The following PNPLA7 variants were observed in gnomAD, a reference collection of about 807,000 sequenced individuals.
The protein encoded by PNPLA7 is patatin-like phospholipase domain-containing protein 7.
A neutral mutation model predicts 161.7 loss-of-function variants in PNPLA7; 153 were observed. That is an observed-to-expected ratio of 0.95 (90% CI 0.83 to 1.08). PNPLA7 has a LOEUF of 1.08. PNPLA7 is among the 50% of genes least tolerant of loss of function. The pLI is 0.00. For missense variants in PNPLA7, 1,739 were observed against 1,856.6 expected (o/e 0.94, Z 1.16); for synonymous variants, 809 against 782.1 (o/e 1.03, Z -0.57).
At chr9:137,514,235 C>T (rs1834391619) in intron 12 of PNPLA7, among the ~76,000 whole-genome samples, 1 of 143,728 alleles carries the variant, frequency 7.0e-6, no homozygotes, top group Non-Finnish European at 1.5e-5. Flanking sequence ...TGTGCCCGGG[C>T]CCTGTGGCTG....
chr9:137,545,863 G>A (rs1437696319), intron 4 of PNPLA7, among the ~76,000 whole-genome samples: 1 of 152,170 alleles, frequency 6.6e-6, no homozygotes, highest in Non-Finnish European at 1.5e-5. Flanking sequence ...TTGCCAAGCG[G>A]ACCGTGATCT....
At chr9:137,479,800 A>G in intron 23 of PNPLA7, 6 of 985,466 alleles carry the variant, frequency 6.1e-6, no homozygotes, top group Non-Finnish European at 7.2e-6. Flanking sequence ...ATCTGCTGCC[A>G]TCTGGGAACC....
intron 8 of PNPLA7, among the ~76,000 whole-genome samples, chr9:137,533,641 A>AAC (rs1435248486): frequency 4.6e-5 from 6 of 130,522 alleles, no homozygotes; most frequent in African/African-American, 1.2e-4. Flanking sequence ...ACTCCTCCCC[A>AAC]AGTGTCCACT....
rs972572217 is a variant in PNPLA7 at position 137,540,179 on chromosome 9, G to A, written c.747+463C>T. ...CAGATCAGGCTCTGGTATCGGAAAC[G>A]ATGGACACAGGAAACCATTCACTGC... On this transcript the variant is annotated intron_variant, in intron 8 of 34. Coordinates refer to ENST00000406427, the MANE Select transcript of PNPLA7 (RefSeq NM_001098537.3). The surrounding 1 kb of genome is among the most constrained non-coding windows in gnomAD (Gnocchi z 5.1). Among the ~76,000 whole-genome samples the A allele has an allele frequency of 1.3e-5, 2 of 152,196 alleles. No homozygotes were observed. Among genetic ancestry groups the A allele is most frequent in the African/African-American group, 2.4e-5 (1 of 41,440 alleles).
chr9:137,462,869 G>A (rs1831285583), intron 29 of PNPLA7, 36 bp from the exon 30 acceptor site: 2 of 1,608,352 alleles, frequency 1.2e-6, no homozygotes, highest in Non-Finnish European at 1.7e-6. Flanking sequence ...CCCCTGGACA[G>A]GCATGCAGAG....
In PNPLA7 at chr9:137,495,631, A is replaced by C. The variant is rs1042980874; in HGVS notation, c.2014-485T>G. ...GCTAGTTTTTTTGTATTTTTAGTAG[A>C]GACGGGGTTTCACCATGTTAGCCAG... On this transcript the variant is annotated intron_variant, in intron 18 of 34. Coordinates refer to ENST00000406427, the MANE Select transcript of PNPLA7 (RefSeq NM_001098537.3). Among the ~76,000 whole-genome samples the C allele has an allele frequency of 4.6e-5, 7 of 152,180 alleles. No individual in the cohort carries two copies. The South Asian group carries it at 1.5e-3, about 32-fold the overall frequency.
chr9:137,542,946 G>A (rs1836288608), intron 6 of PNPLA7, 145 bp from the exon 7 acceptor site: 2 of 757,760 alleles, frequency 2.6e-6, no homozygotes, highest in African/African-American at 3.5e-5. Flanking sequence ...AAACCACACA[G>A]CATTACTGCC....
chr9:137,547,247 A>G lies in PNPLA7; in HGVS notation c.193+62T>C. 1 of 1,518,914 alleles carries G rather than the reference A, an allele frequency of 6.6e-7. No homozygotes were observed. The highest frequency in any genetic ancestry group is 9.1e-7 in the Non-Finnish European group (1 of 1,095,270). 94.1% of individuals were successfully genotyped at this position (1,518,914 alleles called of 1,614,324 possible). A position where few individuals can be genotyped will look rare whatever the true frequency, so the allele number is the denominator to read the frequency against. On this transcript the variant is annotated intron_variant, in intron 3 of 34. Transcript: ENST00000406427. This position sits in a 1 kb window ranked among gnomAD's most constrained non-coding sequence, Gnocchi z 4.6. ...GGCCCCTCCCAGGGGCTCAAAACAC[A>G]TCCCAAGACACCCACGCTTTCCCCC...
intron 8 of PNPLA7, among the ~76,000 whole-genome samples, chr9:137,534,395 CCCCA>C (rs1835775102): frequency 1.3e-5 from 2 of 150,942 alleles, no homozygotes; most frequent in East Asian, 3.9e-4. Flanking sequence ...CCAGGCTCCT[CCCCA>C]ACAGTGTCCA....
chr9:137,480,654 C>CTGCGTGACTGCCT, intron 22 of PNPLA7, 174 bp from the exon 23 acceptor site: 2 of 789,568 alleles, frequency 2.5e-6, no homozygotes, highest in Non-Finnish European at 3.9e-6. Flanking sequence ...CCTAGGCAGT[C>CTGCGTGACTGCCT]ACGCAGAGGC....
intron 21 of PNPLA7, among the ~76,000 whole-genome samples, chr9:137,483,677 G>T (rs1012831607): frequency 4.6e-5 from 7 of 151,926 alleles, no homozygotes; most frequent in African/African-American, 1.7e-4. Context: ...GGCTTGTCTA[G>T]AACTCCTGAC....
Position 137,462,012 on chromosome 9 carries a change from C to T in PNPLA7, c.3675G>A (p.Val1225=). The T allele has an allele frequency of 6.2e-7, 1 of 1,602,538 alleles. No individual in the cohort carries two copies. Among genetic ancestry groups the T allele is most frequent in the Non-Finnish European group, 8.5e-7 (1 of 1,176,176 alleles). The change falls in exon 32 of 35, where the codon GTG becomes GTA. Residue 1225 remains valine, a synonymous_variant. Transcript: ENST00000406427. ...CGCCGCTGCGGCCCCAGATGTCAAA[C>T]ACCGTGCGCCCGTGCTGGTAGCCCA... The part of the protein sequence containing the change: ...CEVGYQHGRT[V]FDIWGRSGVL...
chr9:137,514,254 G>A (rs1331323968), intron 12 of PNPLA7, among the ~76,000 whole-genome samples: 2 of 146,798 alleles, frequency 1.4e-5, no homozygotes, highest in Middle Eastern at 3.6e-3. Flanking sequence ...TGGGCTGTGG[G>A]TGGGTCACCT....
chr9:137,535,803 CAG>C (rs1318840833), intron 8 of PNPLA7, among the ~76,000 whole-genome samples: 4 of 148,964 alleles, frequency 2.7e-5, no homozygotes, highest in East Asian at 4.0e-4. Context: ...AAAAATATGA[CAG>C]AAATTAAAAA....
intron 16 of PNPLA7, among the ~76,000 whole-genome samples, chr9:137,498,731 C>A (rs943138327): frequency 1.3e-5 from 2 of 152,142 alleles, no homozygotes; most frequent in Non-Finnish European, 2.9e-5. Flanking sequence ...ACACTGTTCT[C>A]TCCCCGGTGG....
chr9:137,539,642 C>G (rs1836082432), intron 8 of PNPLA7, among the ~76,000 whole-genome samples: 1 of 152,148 alleles, frequency 6.6e-6, no homozygotes, highest in African/African-American at 2.4e-5. Context: ...GCCTGGGCGA[C>G]AGAGCAAGAC....
intron 14 of PNPLA7, among the ~76,000 whole-genome samples, chr9:137,502,427 C>A (rs1224059588): frequency 6.6e-5 from 10 of 150,976 alleles, no homozygotes; most frequent in African/African-American, 1.7e-4. Context: ...AAGGCAGCTC[C>A]CCCCCAAAAG....
At chr9:137,538,354 G>A (rs1203035869) in intron 8 of PNPLA7, among the ~76,000 whole-genome samples, 2 of 151,902 alleles carry the variant, frequency 1.3e-5, no homozygotes, top group Non-Finnish European at 2.9e-5. Context: ...CCCATCTGCC[G>A]GGGAGCAGAG....
At position 137,493,210 on chromosome 9, in the gene PNPLA7, T is replaced by C. The variant is rs1336552852; in HGVS notation, c.2128-128A>G. On this transcript the variant is annotated intron_variant, in intron 19 of 34. Coordinates refer to ENST00000406427, the MANE Select transcript of PNPLA7 (RefSeq NM_001098537.3). Reference sequence around the variant, plus strand: ...CTGGATCTGCTTTTCAAAACCTCCATGAACTGAGTTGCACATGACTCACAA... The same window carrying C: ...CTGGATCTGCTTTTCAAAACCTCCACGAACTGAGTTGCACATGACTCACAA... The C allele has an allele frequency of 9.6e-6, 9 of 940,834 alleles. No individual in the cohort carries two copies. In the Admixed American group the frequency reaches 1.8e-4, roughly 19 times the overall value. 58.3% of individuals were successfully genotyped at this position (940,834 alleles called of 1,614,324 possible).
Sources: gnomAD v4.1 joint callset for allele counts (sites outside exome capture counted in the v4.1 genomes callset) on GRCh38, gnomAD v4.1.1 for gene constraint, Gnocchi (gnomAD v3.1) non-coding constraint, MANE v1.5 for transcripts, NCBI Gene and HGNC (gene_info 2026-07-23, HGNC 2026-07-21) for gene names.